The following PCGF5 variants were observed in gnomAD, a reference collection of about 807,000 sequenced individuals.
PCGF5 encodes polycomb group ring finger 5.
In PCGF5, 9 loss-of-function variants were observed where a neutral mutation model predicts 44.3. The observed-to-expected ratio is 0.20, with a 90% CI of 0.12 to 0.35. The LOEUF (loss-of-function observed/expected upper bound fraction) is 0.35. Ranked by LOEUF, PCGF5 falls within the 10% of genes least tolerant of loss-of-function variation. PCGF5 has a pLI of 1.00. For synonymous variants in PCGF5, 95 were observed against 102.5 expected (o/e 0.93, Z 0.44); for missense variants, 146 against 305.3 (o/e 0.48, Z 3.89).
intron 1 of PCGF5, among the ~76,000 whole-genome samples, chr10:91,174,128 T>C (rs889226860): frequency 4.0e-5 from 6 of 151,078 alleles, no homozygotes; most frequent in African/African-American, 1.5e-4. Flanking sequence ...TTAACTGTAA[T>C]TGGGCTACAA....
At chr10:91,196,015 G>A (rs1369588224) in intron 1 of PCGF5, among the ~76,000 whole-genome samples, 1 of 150,624 alleles carries the variant, frequency 6.6e-6, no homozygotes, top group East Asian at 1.9e-4. Flanking sequence ...GGGGTGGGTG[G>A]TATTCATTAT....
At chr10:91,184,530 T>C (rs1843882932) in intron 1 of PCGF5, among the ~76,000 whole-genome samples, 1 of 152,200 alleles carries the variant, frequency 6.6e-6, no homozygotes, top group African/African-American at 2.4e-5. Context: ...TTTGGTTTTA[T>C]CCATATTCTG....
intron 9 of PCGF5, among the ~76,000 whole-genome samples, chr10:91,275,416 A>T (rs1846282450): frequency 1.3e-5 from 2 of 151,284 alleles, no homozygotes; most frequent in East Asian, 1.9e-4. Flanking sequence ...AATTTCTTTT[A>T]AAAATGTAGA....
intron 1 of PCGF5, among the ~76,000 whole-genome samples, chr10:91,174,865 A>G (rs564234498): frequency 4.6e-5 from 7 of 152,358 alleles, no homozygotes; most frequent in South Asian, 2.1e-4. Context: ...CTCTCCTGCA[A>G]CACCATTACA....
At chr10:91,276,796 A>G (rs909211338) in intron 9 of PCGF5, among the ~76,000 whole-genome samples, 34 of 152,204 alleles carry the variant, frequency 2.2e-4, no homozygotes, top group African/African-American at 8.0e-4. Flanking sequence ...AGAATCAGGA[A>G]TCAAACGCAA....
intron 1 of PCGF5, among the ~76,000 whole-genome samples, chr10:91,184,787 G>A (rs1482020726): frequency 1.3e-5 from 2 of 152,044 alleles, no homozygotes; most frequent in Admixed American, 1.3e-4. Context: ...GTTTGCTAGG[G>A]GTCTGCTCCA....
chr10:91,267,558 T>C (rs529504828), intron 8 of PCGF5, among the ~76,000 whole-genome samples: 2 of 152,360 alleles, frequency 1.3e-5, no homozygotes, highest in Admixed American at 6.5e-5. Context: ...ATGCAAAATA[T>C]ATCCTACAGA....
chr10:91,245,894 T>G (rs949204810), intron 3 of PCGF5, among the ~76,000 whole-genome samples: 1 of 152,100 alleles, frequency 6.6e-6, no homozygotes, highest in Non-Finnish European at 1.5e-5. Context: ...AGTGCACTTG[T>G]GAGTGTAGTA....
intron 6 of PCGF5, among the ~76,000 whole-genome samples, chr10:91,258,955 A>G (rs1845826870): frequency 1.3e-5 from 2 of 152,126 alleles, no homozygotes; most frequent in South Asian, 2.1e-4. Context: ...ATACATACAA[A>G]TAGGAGTAAT....
chr10:91,222,578 A>T (rs530059278), intron 1 of PCGF5, 111 bp from the exon 2 acceptor site: 2 of 465,956 alleles, frequency 4.3e-6, no homozygotes, highest in Non-Finnish European at 7.5e-6. Context: ...CTATTCACCT[A>T]TTCACCCAAT....
chr10:91,226,998 A>G (rs894292377), intron 2 of PCGF5, among the ~76,000 whole-genome samples: 2 of 152,148 alleles, frequency 1.3e-5, no homozygotes, highest in Non-Finnish European at 2.9e-5. Flanking sequence ...GATGAACTAA[A>G]TCCGCATTAA....
chr10:91,228,084 C>T (rs1343814726), intron 2 of PCGF5: 1 of 342,908 alleles, frequency 2.9e-6, no homozygotes, highest in Non-Finnish European at 4.1e-6. Flanking sequence ...ACATAGGCAT[C>T]TTTGGGGTCT....
At chr10:91,275,503 C>T (rs1169006975) in intron 9 of PCGF5, among the ~76,000 whole-genome samples, 1 of 149,640 alleles carries the variant, frequency 6.7e-6, no homozygotes, top group African/African-American at 2.5e-5. Context: ...TGCAGTGGTG[C>T]GATCTTGGCT....
chr10:91,196,583 A>T (rs1367344339), intron 1 of PCGF5, among the ~76,000 whole-genome samples: 1 of 152,148 alleles, frequency 6.6e-6, no homozygotes, highest in African/African-American at 2.4e-5. Context: ...TACTACCTTG[A>T]CAAAATATCC....
chr10:91,163,727 C>T lies in PCGF5; in HGVS notation c.-184+646C>T, dbSNP rs1288422205. Among the ~76,000 whole-genome samples, 8 of 152,022 alleles carry T rather than the reference C, an allele frequency of 5.3e-5. No individual in the cohort carries two copies. In the East Asian group the frequency reaches 1.6e-3, roughly 30 times the overall value. Reference sequence around the variant, plus strand: ...CGAGCGAGAGGCGCGTTGGGGAGGGCGCGGTGGCCTTCCGCGAGTGGCAGG... The same window carrying T: ...CGAGCGAGAGGCGCGTTGGGGAGGGTGCGGTGGCCTTCCGCGAGTGGCAGG... On this transcript the variant is annotated intron_variant, in intron 1 of 9. Transcript: ENST00000614189.
At chr10:91,276,336 C>T (rs907837092) in intron 9 of PCGF5, among the ~76,000 whole-genome samples, 12 of 152,120 alleles carry the variant, frequency 7.9e-5, no homozygotes, top group African/African-American at 2.9e-4. Flanking sequence ...GAAATGTATT[C>T]TCTGAAAGTA....
intron 2 of PCGF5, chr10:91,227,626 G>A: frequency 8.9e-7 from 1 of 1,122,324 alleles, no homozygotes; most frequent in Non-Finnish European, 1.1e-6. Flanking sequence ...TGTCCAAGTG[G>A]TAATAATTAA....
chr10:91,205,705 G>A (rs745955649), intron 1 of PCGF5, among the ~76,000 whole-genome samples: 22 of 152,162 alleles, frequency 1.4e-4, no homozygotes, highest in Admixed American at 1.0e-3. Context: ...GAGGCTGGGC[G>A]TGGTGGCTCA....
At chr10:91,236,101 T>A (rs907744564) in intron 2 of PCGF5, among the ~76,000 whole-genome samples, 11 of 151,946 alleles carry the variant, frequency 7.2e-5, no homozygotes, top group African/African-American at 2.7e-4. Flanking sequence ...AATAATAAAT[T>A]AAAAAAATAT....
Sources: gnomAD v4.1 joint callset for allele counts (sites outside exome capture counted in the v4.1 genomes callset) on GRCh38, gnomAD v4.1.1 for gene constraint, MANE v1.5 for transcripts, NCBI Gene and HGNC (gene_info 2026-07-23, HGNC 2026-07-21) for gene names.